The following NOS1 variants were observed in gnomAD, a reference collection of about 807,000 sequenced individuals.
NOS1 encodes the protein NOS type I.
NOS1 carries 51 observed loss-of-function variants against 164.5 expected under a neutral mutation model. That is an observed-to-expected ratio of 0.31 (90% confidence interval 0.25 to 0.39). The LOEUF (loss-of-function observed/expected upper bound fraction) is 0.39, where lower values mean the gene tolerates loss of function less well. Ranked by LOEUF, NOS1 falls within the 10% of genes least tolerant of loss-of-function variation. NOS1 has a pLI of 1.00. For synonymous variants in NOS1, 719 were observed against 745.8 expected, an observed-to-expected ratio of 0.96 and a Z score of 0.59; for missense variants, 1,362 against 1,885.6, an observed-to-expected ratio of 0.72 and a Z score of 5.14.
At chr12:117,299,346 T>C (rs1313614815) in intron 3 of NOS1, among the ~76,000 whole-genome samples, 2 of 152,116 alleles carry the variant, frequency 1.3e-5, no homozygotes, top group East Asian at 3.9e-4. Context: ...CCATAGAAAC[T>C]TGACATTGCT....
At chr12:117,233,495 G>C (rs555112648) in intron 21 of NOS1, among the ~76,000 whole-genome samples, 6 of 151,550 alleles carry the variant, frequency 4.0e-5, no homozygotes, top group Non-Finnish European at 7.4e-5. Context: ...ACCTCACTCA[G>C]TCAGGATTTA....
chr12:117,361,268 G>A (rs1203357001), intron 1 of NOS1, among the ~76,000 whole-genome samples: 1 of 151,904 alleles, frequency 6.6e-6, no homozygotes, highest in South Asian at 2.1e-4. Context: ...CGCCCCGCGC[G>A]GCTGGAGGGC....
intron 3 of NOS1, chr12:117,304,903 C>T (rs1163928613): frequency 1.6e-6 from 1 of 618,342 alleles, no homozygotes; most frequent in Non-Finnish European, 2.0e-6. Context: ...TCACTATTTC[C>T]TCCAGGAACT....
At chr12:117,355,089 G>A (rs1876797779) in intron 1 of NOS1, among the ~76,000 whole-genome samples, 1 of 152,144 alleles carries the variant, frequency 6.6e-6, no homozygotes, top group Non-Finnish European at 1.5e-5. Flanking sequence ...TAATGCCAGT[G>A]GGCAAATGTT....
intron 11 of NOS1, 31 bp from the exon 12 acceptor site, chr12:117,265,541 G>C (rs987319605): frequency 1.4e-6 from 2 of 1,428,272 alleles, no homozygotes; most frequent in Non-Finnish European, 9.3e-7. Flanking sequence ...GGGGTCAGGA[G>C]GTATGAGAAG....
intron 21 of NOS1, among the ~76,000 whole-genome samples, chr12:117,233,022 C>G (rs1869385067): frequency 6.9e-6 from 1 of 145,680 alleles, no homozygotes; most frequent in South Asian, 2.2e-4. Flanking sequence ...CGTGTGCCAT[C>G]ATGCCTCACT....
At chr12:117,342,579 C>T (rs1473351667) in intron 1 of NOS1, among the ~76,000 whole-genome samples, 2 of 151,924 alleles carry the variant, frequency 1.3e-5, no homozygotes, top group Admixed American at 6.6e-5. Context: ...AGCCATGTCA[C>T]GAGATAAATC....
In NOS1 at chr12:117,290,359, T is replaced by C. The variant is rs760095341; in HGVS notation, c.920A>G (p.Lys307Arg). The change falls in exon 4 of 29, where the codon AAG becomes AGG. Residue 307 changes from lysine to arginine, a missense_variant. By Grantham distance (26) the Lys-to-Arg change is conservative. Coordinates refer to ENST00000317775, the MANE Select transcript of NOS1 (RefSeq NM_000620.5). ...CACCTCAGTCTCCCAGTTCTTGACC[T>C]TGAGGAAGCGTGGACACTTGGAGGG... ...GSPSKCPRFL[K>R]VKNWETEVVL... 1.2e-6 allele frequency: 2 copies of C among 1,614,054 alleles called. No individual in the cohort carries two copies. Among genetic ancestry groups the C allele is most frequent in the Non-Finnish European group, 1.7e-6 (2 of 1,179,978 alleles).
intron 2 of NOS1, among the ~76,000 whole-genome samples, chr12:117,322,204 TTCCTTCCCTCCC>T (rs1874980543): frequency 8.4e-6 from 1 of 119,282 alleles, no homozygotes; most frequent in Non-Finnish European, 1.8e-5. Flanking sequence ...CCCTCTCTCC[TTCCTTCCCTCCC>T]TCTTTCCTTC....
intron 24 of NOS1, among the ~76,000 whole-genome samples, chr12:117,226,077 C>T (rs1415978028): frequency 6.6e-6 from 1 of 152,166 alleles, no homozygotes; most frequent in Non-Finnish European, 1.5e-5. Flanking sequence ...TGAAACACCC[C>T]AGAGGACTCT....
intron 1 of NOS1, among the ~76,000 whole-genome samples, chr12:117,357,710 G>C (rs933582402): frequency 2.0e-5 from 3 of 152,146 alleles, no homozygotes; most frequent in African/African-American, 7.2e-5. Flanking sequence ...GTAGATTTAG[G>C]GTGGGGTCTG....
chr12:117,215,941 G>A, intron 28 of NOS1, among the ~76,000 whole-genome samples: 1 of 138,526 alleles, frequency 7.2e-6, no homozygotes, highest in East Asian at 2.2e-4. Context: ...GCAGTGACGT[G>A]ATCTCGGCTG....
At position 117,227,606 on chromosome 12, in the gene NOS1, C is replaced by T. The variant is rs746608631; in HGVS notation, c.3441G>A (p.Lys1147=). Residue 1147 remains lysine, a synonymous_variant, in exon 23 of 29, where the codon AAG becomes AAA. Coordinates refer to ENST00000317775, the MANE Select transcript of NOS1 (RefSeq NM_000620.5). The part of the protein sequence containing the change: ...LQEYEEWKWG[K]NPTIVEVLEE... The stretch of plus-strand genomic sequence containing the variant: ...CCAGCACCTCCACGATGGTGGGGTT[C>T]TTGCCCCATTTCCATTCCTCGTACT... 1.4e-5 allele frequency: 23 copies of T among 1,614,090 alleles called. No individual in the cohort carries two copies. In the East Asian group the frequency reaches 5.1e-4, roughly 36 times the overall value.
At position 117,247,113 on chromosome 12, in the gene NOS1, T is replaced by A. The variant is rs145838682; in HGVS notation, c.2823+235A>T. Reference sequence around the variant, plus strand: ...TGACATTCCAAGACTCTATATAATTTTTTTTATGGACTAACTCCTTGCCCA... The same window carrying A: ...TGACATTCCAAGACTCTATATAATTATTTTTATGGACTAACTCCTTGCCCA... On this transcript the variant is annotated intron_variant, in intron 18 of 28. Transcript: ENST00000317775. Among the ~76,000 whole-genome samples, 62 of 152,288 alleles carry A rather than the reference T, an allele frequency of 4.1e-4. 1 individual carries two copies. Among genetic ancestry groups the A allele is most frequent in the Middle Eastern group, 3.4e-3 (1 of 294 alleles).
intron 1 of NOS1, among the ~76,000 whole-genome samples, chr12:117,341,521 C>T (rs182729689): frequency 5.3e-5 from 8 of 152,276 alleles, no homozygotes; most frequent in Middle Eastern, 3.4e-3. Flanking sequence ...GTTCGGCCAA[C>T]GGGAGACCAA....
Position 117,212,933 on chromosome 12 carries a change from G to T in NOS1, c.*2376C>A. Reference sequence around the variant, plus strand: ...CTGCCTTCTAGCCTGGAGTTGTGAAGCAGCTTGTGTTGGGGATTGAAAGGT... The same window carrying T: ...CTGCCTTCTAGCCTGGAGTTGTGAATCAGCTTGTGTTGGGGATTGAAAGGT... On this transcript the variant is annotated 3_prime_UTR_variant, in exon 29 of 29. Transcript: ENST00000317775. 1.0e-6 allele frequency: 1 copy of T among 985,428 alleles called. No homozygotes were observed. Among genetic ancestry groups the T allele is most frequent in the Non-Finnish European group, 1.2e-6 (1 of 829,930 alleles). 61.0% of individuals were successfully genotyped at this position (985,428 alleles called of 1,614,324 possible).
chr12:117,239,600 A>T (rs539347265), intron 20 of NOS1, among the ~76,000 whole-genome samples: 1 of 152,162 alleles, frequency 6.6e-6, no homozygotes, highest in Non-Finnish European at 1.5e-5. Flanking sequence ...TCACAGGGGG[A>T]TTAGTGATAT....
rs1195380543 is a variant in NOS1, at chr12:117,349,765, C to A, written c.-421+11747G>T. 3.3e-5 allele frequency among the ~76,000 whole-genome samples: 5 copies of A among 152,064 alleles called. 1 individual carries two copies. The highest frequency in any genetic ancestry group is 2.9e-5 in the Non-Finnish European group (2 of 68,006). Reference sequence around the variant, plus strand: ...TTGAGACTGGGTCTTGTTGTGTTGCCCAGGCTGGAGTGCAGTGGTGTGATC... The same window carrying A: ...TTGAGACTGGGTCTTGTTGTGTTGCACAGGCTGGAGTGCAGTGGTGTGATC... On this transcript the variant is annotated intron_variant, in intron 1 of 28. Transcript: ENST00000317775.
chr12:117,330,455 C>T lies in NOS1; in HGVS notation c.615G>A (p.Leu205=), dbSNP rs772502296. ...TCAGCACAGGCTCTATCTCCTTGAG[C>T]AGTTCATTGTTCTCCCCTCTGCCTT... ...SLQGRGENNE[L]LKEIEPVLSL... is the part of the protein sequence containing the mutation. Residue 205 remains leucine (L), a synonymous_variant, in exon 2 of 29, where the codon CTG becomes CTA. Transcript: ENST00000317775. The surrounding 1 kb of genome is among the most constrained non-coding windows in gnomAD (Gnocchi z 4.6). 1 of 1,614,204 alleles carries T rather than the reference C, an allele frequency of 6.2e-7. No individual in the cohort carries two copies. The highest frequency in any genetic ancestry group is 2.2e-5 in the East Asian group (1 of 44,866).
Sources: allele counts gnomAD v4.1 joint callset (sites outside exome capture counted in the v4.1 genomes callset), GRCh38; gene constraint gnomAD v4.1.1; non-coding constraint Gnocchi (gnomAD v3.1); transcripts MANE v1.5; gene names NCBI Gene and HGNC (gene_info 2026-07-23, HGNC 2026-07-21).